The following MKX variants were observed in gnomAD, a reference collection of about 807,000 sequenced individuals.
MKX encodes the protein mohawk homeobox.
A neutral mutation model predicts 36.0 loss-of-function variants in MKX; 13 were observed. That is an observed-to-expected ratio of 0.36 (90% CI 0.24 to 0.57). The LOEUF is 0.57. MKX is among the 20% of genes least tolerant of loss of function. The pLI, the probability that MKX is intolerant of heterozygous loss-of-function variation, is 0.79. For synonymous variants in MKX, 176 were observed against 178.3 expected (o/e 0.99, Z 0.10); for missense variants, 458 against 456.4 (o/e 1.00, Z -0.03).
intron 5 of MKX, among the ~76,000 whole-genome samples, chr10:27,718,246 T>C (rs993792940): frequency 7.9e-5 from 12 of 152,132 alleles, no homozygotes; most frequent in Admixed American, 5.9e-4. Flanking sequence ...AATGAAGGTA[T>C]TAGAGGAAAG....
chr10:27,701,486 T>C (rs921799045), intron 5 of MKX, among the ~76,000 whole-genome samples: 1 of 145,864 alleles, frequency 6.9e-6, no homozygotes, highest in African/African-American at 2.5e-5. Flanking sequence ...GGTGTATAAA[T>C]ATATAATATA....
chr10:27,743,519 C>T, intron 1 of MKX, 22 bp from the exon 2 acceptor site: 2 of 1,236,488 alleles, frequency 1.6e-6, no homozygotes, highest in Non-Finnish European at 2.2e-6. Flanking sequence ...AGGTGCATCT[C>T]GTTACTTACT....
intron 5 of MKX, among the ~76,000 whole-genome samples, chr10:27,694,670 G>C (rs914604506): frequency 4.2e-5 from 6 of 143,436 alleles, no homozygotes; most frequent in African/African-American, 1.5e-4. Context: ...ACTCCAGCCT[G>C]GGCGACAGAG....
intron 5 of MKX, among the ~76,000 whole-genome samples, chr10:27,682,016 C>T (rs1239887487): frequency 1.3e-5 from 2 of 152,126 alleles, no homozygotes; most frequent in African/African-American, 2.4e-5. Flanking sequence ...GAGATGACAG[C>T]TCCATGCGTG....
At chr10:27,680,392 A>C (rs1836235212) in intron 5 of MKX, among the ~76,000 whole-genome samples, 1 of 147,176 alleles carries the variant, frequency 6.8e-6, no homozygotes, top group African/African-American at 2.5e-5. Flanking sequence ...AAAGGTGTGT[A>C]GTTAGGAAAA....
intron 5 of MKX, among the ~76,000 whole-genome samples, chr10:27,681,786 G>T (rs1279866919): frequency 2.0e-5 from 3 of 152,250 alleles, no homozygotes; most frequent in African/African-American, 7.2e-5. Flanking sequence ...GCTGGGCCTG[G>T]TGGCGGGTGC....
chr10:27,732,531 C>T (rs140400004), intron 5 of MKX, among the ~76,000 whole-genome samples: 4 of 151,844 alleles, frequency 2.6e-5, no homozygotes, highest in Non-Finnish European at 5.9e-5. Context: ...TTTTAATTTG[C>T]GTCGATTTTT....
chr10:27,724,180 G>T (rs1834437161), intron 5 of MKX, among the ~76,000 whole-genome samples: 1 of 152,052 alleles, frequency 6.6e-6, no homozygotes. Context: ...AAATAAAATT[G>T]TGTGTATGTG....
rs1317850362 is a variant in MKX at position 27,742,239 on chromosome 10, C to A, written c.189-735G>T. 4.6e-5 allele frequency among the ~76,000 whole-genome samples: 7 copies of A among 152,124 alleles called. No individual in the cohort carries two copies. Among genetic ancestry groups the A allele is most frequent in the African/African-American group, 1.7e-4 (7 of 41,454 alleles). Reference sequence around the variant, plus strand: ...TCAAAGGGGGAGGAGGCAGAGGCAGCCAGGAGCCTGGAGCGTGGCCTGGGG... The same window carrying A: ...TCAAAGGGGGAGGAGGCAGAGGCAGACAGGAGCCTGGAGCGTGGCCTGGGG... On this transcript the variant is annotated intron_variant, in intron 2 of 6. Coordinates refer to ENST00000419761, the MANE Select transcript of MKX (RefSeq NM_173576.3). The surrounding 1 kb of genome is among the most constrained non-coding windows in gnomAD (Gnocchi z 4.2).
intron 5 of MKX, among the ~76,000 whole-genome samples, chr10:27,731,165 T>C (rs182184209): frequency 7.9e-4 from 118 of 148,530 alleles, no homozygotes; most frequent in Admixed American, 1.5e-3. Context: ...AAAAGAAAAG[T>C]TCCTCAGCAA....
At chr10:27,720,659 A>C (rs1834356528) in intron 5 of MKX, among the ~76,000 whole-genome samples, 1 of 152,138 alleles carries the variant, frequency 6.6e-6, no homozygotes, top group Non-Finnish European at 1.5e-5. Context: ...TAACTCAATA[A>C]AGTGATTACA....
intron 5 of MKX, among the ~76,000 whole-genome samples, chr10:27,718,040 T>C (rs148973535): frequency 1.1e-3 from 165 of 152,328 alleles, no homozygotes; most frequent in Non-Finnish European, 2.1e-3. Flanking sequence ...ATCAACCTTA[T>C]TCCTGAAGGA....
intron 3 of MKX, among the ~76,000 whole-genome samples, chr10:27,737,174 T>C (rs1834797256): frequency 6.6e-6 from 1 of 152,146 alleles, no homozygotes. Context: ...TTCATGAAAT[T>C]TCTCAAACTC....
At chr10:27,692,784 T>C (rs1836478404) in intron 5 of MKX, among the ~76,000 whole-genome samples, 1 of 152,236 alleles carries the variant, frequency 6.6e-6, no homozygotes. Flanking sequence ...CATTGTTTTA[T>C]TATACACTGA....
chr10:27,711,486 TC>T (rs1398166329), intron 5 of MKX, among the ~76,000 whole-genome samples: 11 of 56,426 alleles, frequency 1.9e-4, no homozygotes, highest in South Asian at 8.0e-4. Flanking sequence ...TTTCTTTCTC[TC>T]TCTCTCTCTT....
chr10:27,735,386 T>C lies in MKX; in HGVS notation c.349-12A>G, dbSNP rs1834734384. The C allele has an allele frequency of 1.9e-6, 3 of 1,597,934 alleles. No homozygotes were observed. Among genetic ancestry groups the C allele is most frequent in the African/African-American group, 1.4e-5 (1 of 73,992 alleles). On this transcript the variant is annotated splice_polypyrimidine_tract_variant and intron_variant, in intron 3 of 6. Coordinates refer to ENST00000419761, the MANE Select transcript of MKX (RefSeq NM_173576.3). ...AACCAATTTGACACCTAAAACAGTA[T>C]TATTTTTCAATTAACAAAACTTAAA...
At chr10:27,698,862 G>A (rs976589361) in intron 5 of MKX, among the ~76,000 whole-genome samples, 1 of 152,042 alleles carries the variant, frequency 6.6e-6, no homozygotes, top group Non-Finnish European at 1.5e-5. Context: ...AAAAAAAGAG[G>A]TATGTAAATC....
At chr10:27,739,087 C>T (rs1428048264) in intron 3 of MKX, among the ~76,000 whole-genome samples, 1 of 152,018 alleles carries the variant, frequency 6.6e-6, no homozygotes, top group Non-Finnish European at 1.5e-5. Context: ...ATGAGACTTT[C>T]ATTATTAGAG....
At chr10:27,734,388 C>T (rs765795299) in intron 5 of MKX, 68 bp downstream of exon 5, 70 of 1,351,688 alleles carry the variant, frequency 5.2e-5, no homozygotes, top group Non-Finnish European at 6.7e-5. Flanking sequence ...AAATAAATCC[C>T]TCTGATGCAG....
Sources: gnomAD v4.1 joint callset for allele counts (sites outside exome capture counted in the v4.1 genomes callset) on GRCh38, gnomAD v4.1.1 for gene constraint, Gnocchi (gnomAD v3.1) non-coding constraint, MANE v1.5 for transcripts, NCBI Gene and HGNC (gene_info 2026-07-23, HGNC 2026-07-21) for gene names.